The following SMOC2 variants were observed in gnomAD, a reference collection of about 807,000 sequenced individuals.
The protein encoded by SMOC2 is SPARC-related modular calcium-binding protein 2.
A neutral mutation model predicts 61.4 loss-of-function variants in SMOC2; 39 were observed. The ratio of observed to expected loss-of-function variants is 0.64; its 90% CI spans 0.49 to 0.83. SMOC2 has a LOEUF of 0.83. SMOC2 is among the 40% of genes least tolerant of loss of function. The probability of loss-of-function intolerance (pLI) is 0.00; values close to 1 mark genes in which losing one functional copy is unlikely to be tolerated. For synonymous variants in SMOC2, 247 were observed against 239.9 expected (o/e 1.03, Z -0.27); for missense variants, 556 against 592.9 (o/e 0.94, Z 0.65).
At chr6:168,574,384 G>C (rs1010286872) in intron 7 of SMOC2, among the ~76,000 whole-genome samples, 1 of 152,250 alleles carries the variant, frequency 6.6e-6, no homozygotes, top group African/African-American at 2.4e-5. Flanking sequence ...TTAGGAACGA[G>C]CTTGGAGAAC....
intron 8 of SMOC2, among the ~76,000 whole-genome samples, chr6:168,599,603 ACACACC>A (rs1785470123): frequency 3.5e-5 from 2 of 57,290 alleles, no homozygotes; most frequent in Admixed American, 2.1e-4. Context: ...ACATACCCCC[ACACACC>A]CACACACACT....
At chr6:168,485,672 G>A (rs559687959) in intron 1 of SMOC2, among the ~76,000 whole-genome samples, 1 of 152,178 alleles carries the variant, frequency 6.6e-6, no homozygotes, top group African/African-American at 2.4e-5. Context: ...AGGAGGTTGT[G>A]TGGAAATAGG....
intron 11 of SMOC2, among the ~76,000 whole-genome samples, chr6:168,661,872 A>C (rs1398518971): frequency 4.6e-5 from 7 of 152,222 alleles, no homozygotes; most frequent in African/African-American, 1.7e-4. Context: ...AGACAAGTAG[A>C]GGAACAGCAG....
At chr6:168,587,881 C>T (rs1785078685) in intron 7 of SMOC2, among the ~76,000 whole-genome samples, 1 of 152,164 alleles carries the variant, frequency 6.6e-6, no homozygotes, top group Non-Finnish European at 1.5e-5. Flanking sequence ...TCCTTTCACA[C>T]CGTCTTAGTC....
intron 4 of SMOC2, among the ~76,000 whole-genome samples, chr6:168,533,821 C>T (rs1435611264): frequency 6.6e-6 from 1 of 152,192 alleles, no homozygotes; most frequent in Non-Finnish European, 1.5e-5. Context: ...TAAAAACAAA[C>T]AACCTTAAGG....
intron 1 of SMOC2, among the ~76,000 whole-genome samples, chr6:168,465,144 T>A (rs926366783): frequency 6.6e-6 from 1 of 152,264 alleles, no homozygotes; most frequent in African/African-American, 2.4e-5. Context: ...CATCACTGGT[T>A]GCCAAGGCTT....
intron 5 of SMOC2, among the ~76,000 whole-genome samples, chr6:168,546,135 G>C (rs981892554): frequency 6.6e-6 from 1 of 151,398 alleles, no homozygotes. Flanking sequence ...TAGACCACTG[G>C]GAAGTTCATG....
intron 1 of SMOC2, among the ~76,000 whole-genome samples, chr6:168,457,277 C>T (rs771449760): frequency 1.1e-4 from 17 of 152,150 alleles, no homozygotes; most frequent in Non-Finnish European, 1.6e-4. Flanking sequence ...CTGTCTACAA[C>T]GGGGGAGTCA....
At chr6:168,485,557 G>A (rs1157201138) in intron 1 of SMOC2, among the ~76,000 whole-genome samples, 2 of 152,186 alleles carry the variant, frequency 1.3e-5, no homozygotes, top group Non-Finnish European at 2.9e-5. Flanking sequence ...TATACTGAGA[G>A]TAGTTATTCA....
intron 1 of SMOC2, among the ~76,000 whole-genome samples, chr6:168,503,252 A>G (rs1782779858): frequency 6.7e-6 from 1 of 150,184 alleles, no homozygotes; most frequent in Non-Finnish European, 1.5e-5. Context: ...TAATTTTGGT[A>G]TTTTTAGTAG....
intron 1 of SMOC2, among the ~76,000 whole-genome samples, chr6:168,472,623 C>T (rs1280000422): frequency 1.3e-5 from 2 of 152,082 alleles, no homozygotes; most frequent in African/African-American, 2.4e-5. Flanking sequence ...ATAAGACTTT[C>T]CGTGTTGCTG....
At chr6:168,620,822 G>T (rs2115230755) in intron 9 of SMOC2, among the ~76,000 whole-genome samples, 1 of 152,300 alleles carries the variant, frequency 6.6e-6, no homozygotes, top group African/African-American at 2.4e-5. Flanking sequence ...TAGAATAAAG[G>T]CAAGACTAAT....
chr6:168,625,283 C>T (rs1301038678), intron 9 of SMOC2, among the ~76,000 whole-genome samples: 1 of 152,216 alleles, frequency 6.6e-6, no homozygotes, highest in Non-Finnish European at 1.5e-5. Context: ...CACTGGATCG[C>T]AGCGCTGCAG....
chr6:168,448,039 G>T (rs1430682955), intron 1 of SMOC2, among the ~76,000 whole-genome samples: 4 of 152,094 alleles, frequency 2.6e-5, no homozygotes, highest in African/African-American at 4.8e-5. Flanking sequence ...CCCAGGTCAG[G>T]GTTGTCCCAT....
At chr6:168,442,187 G>A (rs1781227258) in intron 1 of SMOC2, among the ~76,000 whole-genome samples, 2 of 152,270 alleles carry the variant, frequency 1.3e-5, no homozygotes, top group Non-Finnish European at 1.5e-5. Flanking sequence ...GGCAGGCGGC[G>A]GCTCCCCGCT....
At chr6:168,556,149 G>A (rs1012427109) in intron 7 of SMOC2, among the ~76,000 whole-genome samples, 2 of 152,154 alleles carry the variant, frequency 1.3e-5, no homozygotes, top group Non-Finnish European at 2.9e-5. Context: ...TGTTCCCGGG[G>A]GTCCGCGGCT....
chr6:168,576,777 G>A (rs1583126224), intron 7 of SMOC2, among the ~76,000 whole-genome samples: 3 of 152,050 alleles, frequency 2.0e-5, no homozygotes, highest in Non-Finnish European at 1.5e-5. Context: ...TGTCGTGATC[G>A]TGTTCAGGGA....
intron 7 of SMOC2, among the ~76,000 whole-genome samples, chr6:168,557,580 T>C (rs1784278580): frequency 6.6e-6 from 1 of 152,246 alleles, no homozygotes; most frequent in South Asian, 2.1e-4. Context: ...GGTATTTGCC[T>C]TACTTCGTTT....
intron 1 of SMOC2, among the ~76,000 whole-genome samples, chr6:168,471,889 A>G (rs190946565): frequency 1.2e-4 from 18 of 152,202 alleles, no homozygotes; most frequent in Admixed American, 7.9e-4. Context: ...CCATTTTTCA[A>G]TTGGGTTATT....
Sources: gnomAD v4.1 joint callset for allele counts (sites outside exome capture counted in the v4.1 genomes callset) on GRCh38, gnomAD v4.1.1 for gene constraint, MANE v1.5 for transcripts, NCBI Gene and HGNC (gene_info 2026-07-23, HGNC 2026-07-21) for gene names.